The following WDR7 variants were observed in gnomAD, a reference collection of about 807,000 sequenced individuals.
WDR7 encodes WD repeat domain 7.
Under a neutral mutation model 169.4 loss-of-function variants are expected in WDR7, and 46 were observed. The ratio of observed to expected loss-of-function variants is 0.27; its 90% CI spans 0.21 to 0.35. WDR7 has a LOEUF of 0.35. Ranked by LOEUF, WDR7 falls within the 10% of genes least tolerant of loss-of-function variation. WDR7 has a pLI of 1.00. For synonymous variants in WDR7, 612 were observed against 666.8 expected (o/e 0.92, Z 1.27); for missense variants, 1,534 against 1,859.3 (o/e 0.83, Z 3.22).
chr18:57,035,792 G>A, the WDR7 span: 1 of 152,222 alleles, frequency 6.6e-6, no homozygotes, highest in Non-Finnish European at 1.5e-5. Flanking sequence ...AGAGATCTTT[G>A]GATCTAATAA....
chr18:56,732,433 A>C (rs1389503347), intron 14 of WDR7, among the ~76,000 whole-genome samples: 1 of 152,050 alleles, frequency 6.6e-6, no homozygotes, highest in Non-Finnish European at 1.5e-5. Flanking sequence ...TCTCTCCTTG[A>C]TTTTCATTTT....
At chr18:57,031,100 TG>T (rs1393125026), downstream of WDR7, 3 of 152,126 alleles carry the variant, frequency 2.0e-5, no homozygotes, top group South Asian at 2.1e-4. Flanking sequence ...TGTTTTGTTT[TG>T]TTTTTTTGAG....
At chr18:56,764,795 C>T (rs1170134041) in intron 16 of WDR7, among the ~76,000 whole-genome samples, 2 of 152,038 alleles carry the variant, frequency 1.3e-5, no homozygotes, top group Non-Finnish European at 2.9e-5. Flanking sequence ...TTAGTATATA[C>T]TTGCTGATTT....
chr18:56,891,551 A>AAAATCTT (rs2046264214), intron 21 of WDR7, among the ~76,000 whole-genome samples: 1 of 50,132 alleles, frequency 2.0e-5, no homozygotes, highest in Non-Finnish European at 5.4e-5. Context: ...TAAAATCTGT[A>AAAATCTT]TATAGTTTTT....
chr18:56,946,683 T>C (rs2047107220), intron 25 of WDR7, among the ~76,000 whole-genome samples: 1 of 152,162 alleles, frequency 6.6e-6, no homozygotes, highest in Non-Finnish European at 1.5e-5. Flanking sequence ...TGTGTGTGTA[T>C]GTATTATGTA....
the WDR7 span, chr18:57,036,134 G>A: frequency 6.6e-6 from 1 of 152,318 alleles, no homozygotes; most frequent in Non-Finnish European, 1.5e-5. Flanking sequence ...AGCAGGGGTT[G>A]TAGTTTGTTC....
At chr18:56,700,259 T>TC (rs1486277434) in intron 12 of WDR7, among the ~76,000 whole-genome samples, 15 of 124,378 alleles carry the variant, frequency 1.2e-4, no homozygotes, top group Non-Finnish European at 2.0e-4. Context: ...TTTCTTTTTT[T>TC]TTTTTTTTTT....
chr18:56,731,637 A>T, intron 14 of WDR7, 40 bp downstream of exon 14: 1 of 1,477,036 alleles, frequency 6.8e-7, no homozygotes, highest in Non-Finnish European at 9.2e-7. Context: ...TGTAGACCCC[A>T]TTTAACTTCA....
In WDR7 at chr18:56,679,934, G is replaced by A. The variant is rs79680423; in HGVS notation, c.266+496G>A. Among the ~76,000 whole-genome samples, 421 of 152,284 alleles carry A rather than the reference G, an allele frequency of 2.8e-3. 4 individuals carry two copies. In the East Asian group the frequency reaches 0.038, roughly 14 times the overall value. On this transcript the variant is annotated intron_variant, in intron 3 of 27. Transcript: ENST00000254442. Reference sequence around the variant, plus strand: ...GGCAGGTCATTGAACAGTAGTTGTAGAGCCCAATGTTATTAAATGTTTAAA... The same window carrying A: ...GGCAGGTCATTGAACAGTAGTTGTAAAGCCCAATGTTATTAAATGTTTAAA...
intron 13 of WDR7, among the ~76,000 whole-genome samples, chr18:56,723,435 GA>G (rs894673319): frequency 6.6e-6 from 1 of 151,498 alleles, no homozygotes; most frequent in African/African-American, 2.4e-5. Context: ...TTGCATGTTT[GA>G]AAAAAACTCT....
At chr18:56,727,339 A>T (rs2144786071) in intron 13 of WDR7, among the ~76,000 whole-genome samples, 1 of 149,830 alleles carries the variant, frequency 6.7e-6, no homozygotes, top group East Asian at 1.9e-4. Context: ...TTAGTTGGGA[A>T]TGGATTTTTT....
At chr18:56,955,831 A>T (rs1302258816) in intron 25 of WDR7, among the ~76,000 whole-genome samples, 1 of 152,192 alleles carries the variant, frequency 6.6e-6, no homozygotes, top group Admixed American at 6.5e-5. Context: ...CCATATCAGG[A>T]CACTGAGACA....
chr18:57,032,121 A>G (rs914509691), downstream of WDR7: 4 of 152,250 alleles, frequency 2.6e-5, no homozygotes, highest in African/African-American at 2.4e-5. Flanking sequence ...AAATGCCTAA[A>G]TACATGCCAA....
intron 13 of WDR7, among the ~76,000 whole-genome samples, chr18:56,728,422 T>G (rs2430902): frequency 0.14 from 21,430 of 152,124 alleles, 1,715 homozygotes; most frequent in African/African-American, 0.2. Context: ...ACACTGGATA[T>G]TTTTTTTCTT....
intron 14 of WDR7, among the ~76,000 whole-genome samples, chr18:56,734,485 A>C (rs1030490154): frequency 6.6e-6 from 1 of 151,638 alleles, no homozygotes; most frequent in African/African-American, 2.4e-5. Flanking sequence ...ATTTCCCTTA[A>C]GAGGCAAAAA....
At chr18:56,657,888 A>AT (rs2024812071) in intron 1 of WDR7, among the ~76,000 whole-genome samples, 1 of 151,244 alleles carries the variant, frequency 6.6e-6, no homozygotes, top group African/African-American at 2.4e-5. Context: ...ATAAAATTGG[A>AT]TTTTTTTTCA....
intron 20 of WDR7, among the ~76,000 whole-genome samples, chr18:56,844,388 T>C (rs933359392): frequency 6.6e-6 from 1 of 152,174 alleles, no homozygotes; most frequent in Admixed American, 6.6e-5. Context: ...TCCTCATTGG[T>C]ATACAATTTC....
intron 22 of WDR7, among the ~76,000 whole-genome samples, chr18:56,931,784 T>C (rs888284422): frequency 6.6e-6 from 1 of 151,966 alleles, no homozygotes; most frequent in Admixed American, 6.5e-5. Flanking sequence ...GGGAGGAGAC[T>C]GCACCAATGG....
chr18:56,991,127 C>T (rs1361330434), intron 26 of WDR7, among the ~76,000 whole-genome samples: 3 of 150,278 alleles, frequency 2.0e-5, no homozygotes, highest in East Asian at 1.9e-4. Flanking sequence ...TACTAGCTAC[C>T]GTACACCTTC....
Sources: gnomAD v4.1 joint callset for allele counts (sites outside exome capture counted in the v4.1 genomes callset) on GRCh38, gnomAD v4.1.1 for gene constraint, MANE v1.5 for transcripts, NCBI Gene and HGNC (gene_info 2026-07-23, HGNC 2026-07-21) for gene names.